STAC: variants seen among roughly 807,000 people sequenced by gnomAD.
STAC encodes SH3 and cysteine-rich domain-containing protein.
Under a neutral mutation model 48.8 loss-of-function variants are expected in STAC, and 43 were observed. That is an observed-to-expected ratio of 0.88 (90% CI 0.69 to 1.14). STAC has a LOEUF of 1.14. STAC is among the 50% of genes most tolerant of loss of function. The probability of loss-of-function intolerance (pLI) is 0.00; values close to 1 mark genes in which losing one functional copy is unlikely to be tolerated. For synonymous variants in STAC, 193 were observed against 179.5 expected (o/e 1.07, Z -0.60); for missense variants, 497 against 504.0 (o/e 0.99, Z 0.13).
intron 1 of STAC, among the ~76,000 whole-genome samples, chr3:36,426,864 CT>C (rs1322742355): frequency 1.2e-5 from 1 of 84,704 alleles, no homozygotes; most frequent in Admixed American, 1.0e-4. Flanking sequence ...TTCATCACCT[CT>C]CGACATTTTG....
intron 1 of STAC, among the ~76,000 whole-genome samples, chr3:36,418,877 G>T (rs1236042941): frequency 6.6e-6 from 1 of 151,870 alleles, no homozygotes; most frequent in Non-Finnish European, 1.5e-5. Flanking sequence ...GAGAAACCCT[G>T]TCTCTACTAA....
At chr3:36,521,250 A>G (rs557627269) in intron 8 of STAC, among the ~76,000 whole-genome samples, 25 of 152,108 alleles carry the variant, frequency 1.6e-4, no homozygotes, top group Non-Finnish European at 3.4e-4. Flanking sequence ...ATAACTATAT[A>G]GTAAAGTGGG....
chr3:36,520,083 T>C (rs1698765114), intron 8 of STAC, among the ~76,000 whole-genome samples: 1 of 152,192 alleles, frequency 6.6e-6, no homozygotes, highest in South Asian at 2.1e-4. Context: ...AGTCATGTTT[T>C]TTGCCCATTT....
intron 3 of STAC, among the ~76,000 whole-genome samples, chr3:36,483,765 A>C (rs1449655464): frequency 1.3e-5 from 2 of 152,220 alleles, no homozygotes; most frequent in Non-Finnish European, 2.9e-5. Context: ...CAGCCTGGGC[A>C]ACATGGCATG....
intron 2 of STAC, among the ~76,000 whole-genome samples, chr3:36,460,680 A>G (rs1018327329): frequency 7.2e-5 from 11 of 152,222 alleles, no homozygotes; most frequent in African/African-American, 2.7e-4. Context: ...CAGTGTCAGT[A>G]GTGCAGAGGC....
At position 36,380,612 on chromosome 3, in the gene STAC, C is replaced by A; in HGVS notation, c.-32C>A. 1.3e-6 allele frequency: 2 copies of A among 1,515,148 alleles called. No homozygotes were observed. The highest frequency in any genetic ancestry group is 1.8e-6 in the Non-Finnish European group (2 of 1,112,000). 93.9% of individuals were successfully genotyped at this position (1,515,148 alleles called of 1,614,324 possible). A position where few individuals can be genotyped will look rare whatever the true frequency, so the allele number is the denominator to read the frequency against. ...CAGGACAGAAGCCTCGCTGTTCCTC[C>A]GGGAGCCCAACACCGTTCCCGCGCG... On this transcript the variant is annotated 5_prime_UTR_variant, in exon 1 of 11. Coordinates refer to ENST00000273183, the MANE Select transcript of STAC (RefSeq NM_003149.3).
intron 8 of STAC, among the ~76,000 whole-genome samples, chr3:36,518,186 T>C (rs892162480): frequency 1.3e-5 from 2 of 152,220 alleles, no homozygotes; most frequent in Non-Finnish European, 2.9e-5. Flanking sequence ...ATGTAAATAA[T>C]CAGCAGATAT....
At chr3:36,503,725 G>T (rs1314220216) in intron 6 of STAC, among the ~76,000 whole-genome samples, 1 of 152,086 alleles carries the variant, frequency 6.6e-6, no homozygotes, top group Non-Finnish European at 1.5e-5. Flanking sequence ...GAGCCACCGT[G>T]CCCAGCCTTC....
intron 2 of STAC, among the ~76,000 whole-genome samples, chr3:36,461,277 T>G (rs1429972800): frequency 6.6e-6 from 1 of 152,246 alleles, no homozygotes; most frequent in Non-Finnish European, 1.5e-5. Context: ...AATGTTTTTC[T>G]TATTTAATAA....
chr3:36,489,652 C>A (rs78150526), intron 5 of STAC, among the ~76,000 whole-genome samples: 2,680 of 152,292 alleles, frequency 0.018, 22 homozygotes, highest in Non-Finnish European at 0.021. Context: ...TTATTCACAG[C>A]TTTGTGTTTT....
intron 1 of STAC, among the ~76,000 whole-genome samples, chr3:36,383,133 A>G (rs1217183981): frequency 2.6e-5 from 4 of 152,234 alleles, no homozygotes; most frequent in Admixed American, 2.6e-4. Context: ...GCATCTACTA[A>G]TAAAACTTTG....
At position 36,528,641 on chromosome 3, in the gene STAC, GTA is replaced by G. The variant is rs1156403844; in HGVS notation, c.921-53_921-52del. On this transcript the variant is annotated intron_variant, in intron 8 of 10. Coordinates refer to ENST00000273183, the MANE Select transcript of STAC (RefSeq NM_003149.3). ...AGAAATGATTACTCCTGACTTTAAA[GTA>G]TGTTATTTTTCTTTTTTTTTCCTTT... 6 of 1,395,798 alleles carry G rather than the reference GTA, an allele frequency of 4.3e-6. No homozygotes were observed. The African/African-American group carries it at 8.7e-5, about 20-fold the overall frequency. The allele number at this position is 1,395,798 out of a possible 1,614,324, so 86.5% of individuals were successfully genotyped here. A position where few individuals can be genotyped will look rare whatever the true frequency, so the allele number is the denominator to read the frequency against.
chr3:36,381,860 T>C (rs1340939198), intron 1 of STAC, among the ~76,000 whole-genome samples: 1 of 152,188 alleles, frequency 6.6e-6, no homozygotes, highest in Non-Finnish European at 1.5e-5. Flanking sequence ...CCGAAAGCTT[T>C]ACATCTTATT....
chr3:36,499,233 G>A (rs1360156738), intron 6 of STAC, among the ~76,000 whole-genome samples: 1 of 152,158 alleles, frequency 6.6e-6, no homozygotes, highest in Non-Finnish European at 1.5e-5. Flanking sequence ...AAAGAAAGTG[G>A]TAAACATGTG....
At chr3:36,470,611 T>C (rs995019631) in intron 2 of STAC, among the ~76,000 whole-genome samples, 2 of 152,240 alleles carry the variant, frequency 1.3e-5, no homozygotes, top group Non-Finnish European at 2.9e-5. Flanking sequence ...AGGGAGTCTG[T>C]AGCAGTGATC....
chr3:36,526,500 G>A (rs1202840427), intron 8 of STAC, among the ~76,000 whole-genome samples: 1 of 152,164 alleles, frequency 6.6e-6, no homozygotes, highest in Non-Finnish European at 1.5e-5. Context: ...TCCAAGGAAT[G>A]AGAAATGTGG....
intron 2 of STAC, among the ~76,000 whole-genome samples, chr3:36,457,709 G>A (rs978486105): frequency 6.6e-6 from 1 of 152,206 alleles, no homozygotes; most frequent in Non-Finnish European, 1.5e-5. Context: ...GGCAAGTCCA[G>A]ATGTTTCCCA....
intron 1 of STAC, among the ~76,000 whole-genome samples, chr3:36,417,212 A>G (rs1034926671): frequency 6.6e-6 from 1 of 152,176 alleles, no homozygotes; most frequent in Non-Finnish European, 1.5e-5. Flanking sequence ...GGCCCTCCTT[A>G]AAACATGATA....
At chr3:36,518,204 T>G (rs1698719704) in intron 8 of STAC, among the ~76,000 whole-genome samples, 1 of 152,216 alleles carries the variant, frequency 6.6e-6, no homozygotes, top group Non-Finnish European at 1.5e-5. Context: ...TATAAATGAC[T>G]TCAAGTAAAC....
Sources: gnomAD v4.1 joint callset for allele counts (sites outside exome capture counted in the v4.1 genomes callset) on GRCh38, gnomAD v4.1.1 for gene constraint, MANE v1.5 for transcripts, NCBI Gene and HGNC (gene_info 2026-07-23, HGNC 2026-07-21) for gene names.